Variants in FILIP1 observed in about 807,000 individuals in gnomAD.
FILIP1 encodes filamin-A-interacting protein 1.
Under a neutral mutation model 102.1 loss-of-function variants are expected in FILIP1, and 61 were observed. The ratio of observed to expected loss-of-function variants is 0.60; its 90% CI spans 0.49 to 0.74. The LOEUF (loss-of-function observed/expected upper bound fraction) is 0.74. Ranked by LOEUF, FILIP1 falls within the 30% of genes least tolerant of loss-of-function variation. The pLI, the probability that FILIP1 is intolerant of heterozygous loss-of-function variation, is 0.00. For missense variants in FILIP1, 1,314 were observed against 1,441.2 expected (o/e 0.91, Z 1.43); for synonymous variants, 491 against 526.9 (o/e 0.93, Z 0.93).
At chr6:75,477,021 T>C (rs1017005417) in intron 1 of FILIP1, among the ~76,000 whole-genome samples, 12 of 152,216 alleles carry the variant, frequency 7.9e-5, no homozygotes, top group African/African-American at 2.9e-4. Context: ...TGATAATACA[T>C]ATTGAGTTCG....
intron 1 of FILIP1, among the ~76,000 whole-genome samples, chr6:75,490,649 G>A (rs546959845): frequency 6.6e-6 from 1 of 151,946 alleles, no homozygotes; most frequent in African/African-American, 2.4e-5. Context: ...GTGTGTGTGT[G>A]TGTGTGTGTG....
chr6:75,374,528 G>A (rs1317673832), intron 2 of FILIP1, among the ~76,000 whole-genome samples: 3 of 152,122 alleles, frequency 2.0e-5, no homozygotes, highest in African/African-American at 7.2e-5. Flanking sequence ...ACAGGCGCGT[G>A]CCACCACGCC....
rs200840132 is a variant in FILIP1 at position 75,316,879 on chromosome 6, CAT to C, written c.630-1679_630-1678del. On this transcript the variant is annotated intron_variant, in intron 4 of 5. Transcript: ENST00000237172. ...AAAGTTGAAACAAGTGAAATAATGT[CAT>C]AGAACCATAGATTAGGGGAGAAACT... 7.2e-3 allele frequency among the ~76,000 whole-genome samples: 1,098 copies of C among 152,240 alleles called. 8 individuals are homozygous for C. The highest frequency in any genetic ancestry group is 0.024 in the Middle Eastern group (7 of 294).
At chr6:75,400,379 AGTT>A (rs1776613477) in intron 2 of FILIP1, among the ~76,000 whole-genome samples, 1 of 152,200 alleles carries the variant, frequency 6.6e-6, no homozygotes, top group Admixed American at 6.6e-5. Flanking sequence ...ATTCTCAAGA[AGTT>A]GTTAACTTAA....
At chr6:75,319,420 T>G in intron 4 of FILIP1, 2 of 622,146 alleles carry the variant, frequency 3.2e-6, no homozygotes, top group Admixed American at 3.7e-5. Context: ...GTCTCCCCTT[T>G]AGGAGGGCTA....
chr6:75,402,227 C>T (rs1331334387), intron 2 of FILIP1, among the ~76,000 whole-genome samples: 1 of 152,102 alleles, frequency 6.6e-6, no homozygotes, highest in Non-Finnish European at 1.5e-5. Flanking sequence ...CTGCCTGAAA[C>T]AATGAAAATC....
chr6:75,446,913 G>A (rs1778460112), intron 1 of FILIP1, among the ~76,000 whole-genome samples: 1 of 152,128 alleles, frequency 6.6e-6, no homozygotes, highest in Middle Eastern at 3.2e-3. Flanking sequence ...CTGATGCCAA[G>A]AGTCTGCCCA....
At chr6:75,383,147 G>A (rs1284113774) in intron 2 of FILIP1, among the ~76,000 whole-genome samples, 2 of 152,088 alleles carry the variant, frequency 1.3e-5, no homozygotes. Context: ...GATGTCATAA[G>A]GCAGTGGAGG....
intron 1 of FILIP1, among the ~76,000 whole-genome samples, chr6:75,427,918 CTTTG>C (rs1323117636): frequency 6.6e-6 from 1 of 152,092 alleles, no homozygotes; most frequent in Non-Finnish European, 1.5e-5. Flanking sequence ...TCCTCACTGT[CTTTG>C]TTTGTTAACA....
Position 75,313,113 on chromosome 6 carries a change from C to T in FILIP1, c.2719G>A (p.Gly907Ser). ...PGEVVLSPKQGQPLHIRVTPD... is the reference protein window; with the variant it reads ...PGEVVLSPKQSQPLHIRVTPD... ...GTCACTCGAATATGCAGGGGCTGGC[C>T]CTGCTTTGGTGAAAGGACTACCTCT... Residue 907 changes from glycine to serine, a missense_variant, in exon 5 of 6, where the codon GGC becomes AGC. Coordinates refer to ENST00000237172, the MANE Select transcript of FILIP1 (RefSeq NM_015687.5). The surrounding 1 kb of genome is among the most constrained non-coding windows in gnomAD (Gnocchi z 4.2). 1 of 1,614,076 alleles carries T rather than the reference C, an allele frequency of 6.2e-7. No homozygotes were observed. Among genetic ancestry groups the T allele is most frequent in the Non-Finnish European group, 8.5e-7 (1 of 1,179,992 alleles).
intron 1 of FILIP1, among the ~76,000 whole-genome samples, chr6:75,489,498 TAA>T (rs1450371167): frequency 2.6e-5 from 4 of 152,092 alleles, no homozygotes; most frequent in Non-Finnish European, 5.9e-5. Flanking sequence ...TAAGGTGTAA[TAA>T]AGCCATACTA....
chr6:75,311,565 C>T (rs1458801843), intron 5 of FILIP1, among the ~76,000 whole-genome samples: 1 of 152,128 alleles, frequency 6.6e-6, no homozygotes, highest in Non-Finnish European at 1.5e-5. Context: ...GGCACAATCT[C>T]AGCTCACCAC....
intron 2 of FILIP1, among the ~76,000 whole-genome samples, chr6:75,403,711 G>A (rs968501735): frequency 1.3e-5 from 2 of 152,084 alleles, no homozygotes; most frequent in African/African-American, 2.4e-5. Context: ...GTCATGTTAA[G>A]TAGCTCTAAA....
intron 4 of FILIP1, among the ~76,000 whole-genome samples, chr6:75,322,004 C>T (rs1773682139): frequency 6.6e-6 from 1 of 152,134 alleles, no homozygotes; most frequent in Admixed American, 6.5e-5. Flanking sequence ...AACACAGGAG[C>T]ACCCAAGGAA....
chr6:75,369,567 G>T (rs1775448437), intron 2 of FILIP1, among the ~76,000 whole-genome samples: 1 of 131,902 alleles, frequency 7.6e-6, no homozygotes, highest in Non-Finnish European at 1.6e-5. Context: ...AACTTGTGTG[G>T]CTTTTCTATC....
At position 75,461,201 on chromosome 6, in the gene FILIP1, A is replaced by G. The variant is rs566373136; in HGVS notation, c.-7+32213T>C. On this transcript the variant is annotated intron_variant, in intron 1 of 5. Coordinates refer to ENST00000237172, the MANE Select transcript of FILIP1 (RefSeq NM_015687.5). ...GCTAGGCATTGCTCTAAGCTAAATC[A>G]TCTTGCATAATCATCAGACCCACTC... Among the ~76,000 whole-genome samples the G allele has an allele frequency of 1.3e-4, 20 of 152,338 alleles. No individual in the cohort carries two copies. In the South Asian group the frequency reaches 1.4e-3, roughly 11 times the overall value.
chr6:75,416,777 C>A (rs1777284825), intron 1 of FILIP1, among the ~76,000 whole-genome samples: 1 of 151,946 alleles, frequency 6.6e-6, no homozygotes, highest in Non-Finnish European at 1.5e-5. Context: ...AGATGACATA[C>A]CAAATATTGA....
In FILIP1 at chr6:75,358,615, T is replaced by C. The variant is rs528720840; in HGVS notation, c.450+4129A>G. On this transcript the variant is annotated intron_variant, in intron 3 of 5. Transcript: ENST00000237172. ...ATGAACAGATTTAAGAATCGAAATC[T>C]GGGAAGATCAGGGTAAGACATCTGA... 8 of 152,366 alleles carry C rather than the reference T, an allele frequency of 5.3e-5. No individual in the cohort carries two copies. The East Asian group carries it at 1.5e-3, about 29-fold the overall frequency. 9.4% of individuals were successfully genotyped at this position (152,366 alleles called of 1,614,324 possible). A position where few individuals can be genotyped will look rare whatever the true frequency, so the allele number is the denominator to read the frequency against.
intron 3 of FILIP1, among the ~76,000 whole-genome samples, chr6:75,359,237 C>T (rs1339702791): frequency 6.6e-6 from 1 of 151,354 alleles, no homozygotes; most frequent in African/African-American, 2.4e-5. Context: ...AACTCCTGAC[C>T]TCAAGTGATC....
Sources: gnomAD v4.1 joint callset for allele counts (sites outside exome capture counted in the v4.1 genomes callset) on GRCh38, gnomAD v4.1.1 for gene constraint, Gnocchi (gnomAD v3.1) non-coding constraint, MANE v1.5 for transcripts, NCBI Gene and HGNC (gene_info 2026-07-23, HGNC 2026-07-21) for gene names.